The following KCNQ3 variants were observed in gnomAD, a reference collection of about 807,000 sequenced individuals.
KCNQ3 encodes potassium voltage-gated channel subfamily Q member 3.
Under a neutral mutation model 92.5 loss-of-function variants are expected in KCNQ3, and 30 were observed. That is an observed-to-expected ratio of 0.32 (90% CI 0.24 to 0.44). KCNQ3 has a LOEUF of 0.44. Among genes scored for constraint, KCNQ3 ranks in the 20% least tolerant of loss-of-function variants. The pLI, the probability that KCNQ3 is intolerant of heterozygous loss-of-function variation, is 1.00. For synonymous variants in KCNQ3, 450 were observed against 468.8 expected (o/e 0.96, Z 0.52); for missense variants, 913 against 1,140.3 (o/e 0.80, Z 2.87).
At chr8:132,366,473 G>T (rs1210632166) in intron 1 of KCNQ3, among the ~76,000 whole-genome samples, 1 of 151,954 alleles carries the variant, frequency 6.6e-6, no homozygotes, top group Non-Finnish European at 1.5e-5. Flanking sequence ...AGTACCTCTA[G>T]TTCAATTTTA....
At chr8:132,451,293 T>C (rs1270308240) in intron 1 of KCNQ3, among the ~76,000 whole-genome samples, 1 of 152,240 alleles carries the variant, frequency 6.6e-6, no homozygotes, top group Admixed American at 6.5e-5. Context: ...CGTGGAACTG[T>C]GAGTCCATTA....
chr8:132,236,595 G>T (rs1814824216), intron 1 of KCNQ3, among the ~76,000 whole-genome samples: 1 of 152,080 alleles, frequency 6.6e-6, no homozygotes, highest in Non-Finnish European at 1.5e-5. Context: ...TAAACCCATG[G>T]TGGCAGGCAG....
At position 132,276,599 on chromosome 8, in the gene KCNQ3, C is replaced by A. The variant is rs575209545; in HGVS notation, c.387-90418G>T. Among the ~76,000 whole-genome samples, 25 of 152,312 alleles carry A rather than the reference C, an allele frequency of 1.6e-4. 1 individual carries two copies. The highest frequency in any genetic ancestry group is 6.0e-4 in the African/African-American group (25 of 41,570). ...AAAACTACTTCCTCATGTTGACTCACAATGTGTCTCCTCTCACTTCCCTGA... is the reference window on the plus strand; with the variant it reads ...AAAACTACTTCCTCATGTTGACTCAAAATGTGTCTCCTCTCACTTCCCTGA... On this transcript the variant is annotated intron_variant, in intron 1 of 14. Transcript: ENST00000388996.
At chr8:132,467,027 T>A (rs1329007649) in intron 1 of KCNQ3, among the ~76,000 whole-genome samples, 3 of 152,196 alleles carry the variant, frequency 2.0e-5, no homozygotes, top group Non-Finnish European at 4.4e-5. Flanking sequence ...CCCCACACTC[T>A]GTTGGCCACA....
At chr8:132,192,111 G>T (rs1224657160) in intron 1 of KCNQ3, among the ~76,000 whole-genome samples, 1 of 152,124 alleles carries the variant, frequency 6.6e-6, no homozygotes, top group Non-Finnish European at 1.5e-5. Flanking sequence ...GCCAGGAGAA[G>T]GGATAATTTC....
intron 1 of KCNQ3, among the ~76,000 whole-genome samples, chr8:132,200,689 T>C (rs1276649767): frequency 6.6e-6 from 1 of 152,172 alleles, no homozygotes; most frequent in Non-Finnish European, 1.5e-5. Context: ...AAAATTAGCT[T>C]AGGGCCTGCA....
chr8:132,430,199 T>G (rs957764623), intron 1 of KCNQ3, among the ~76,000 whole-genome samples: 1 of 152,218 alleles, frequency 6.6e-6, no homozygotes, highest in South Asian at 2.1e-4. Flanking sequence ...CACCCAGATC[T>G]TCCTGTATAA....
chr8:132,254,779 T>A (rs1003165912), intron 1 of KCNQ3, among the ~76,000 whole-genome samples: 1 of 152,154 alleles, frequency 6.6e-6, no homozygotes, highest in Non-Finnish European at 1.5e-5. Context: ...TTCAGGAGGC[T>A]GAGGCAGGAG....
chr8:132,200,609 G>C (rs1402473990), intron 1 of KCNQ3, among the ~76,000 whole-genome samples: 1 of 152,126 alleles, frequency 6.6e-6, no homozygotes, highest in Non-Finnish European at 1.5e-5. Context: ...AAAATGATTA[G>C]AGGAATAAAA....
chr8:132,168,199 C>T (rs973967345), intron 8 of KCNQ3, among the ~76,000 whole-genome samples: 1 of 152,146 alleles, frequency 6.6e-6, no homozygotes, highest in Non-Finnish European at 1.5e-5. Context: ...TTGGTCTAGG[C>T]CCTCATTTCC....
intron 1 of KCNQ3, among the ~76,000 whole-genome samples, chr8:132,386,806 C>T (rs1819902527): frequency 6.6e-6 from 1 of 151,966 alleles, no homozygotes. Flanking sequence ...CTTTTATTTT[C>T]CTGGAATGGT....
intron 1 of KCNQ3, among the ~76,000 whole-genome samples, chr8:132,237,895 A>T (rs2130394205): frequency 6.6e-6 from 1 of 152,192 alleles, no homozygotes; most frequent in East Asian, 1.9e-4. Flanking sequence ...CCAGGTTTAA[A>T]TGTAAAGAGC....
intron 1 of KCNQ3, among the ~76,000 whole-genome samples, chr8:132,315,948 T>TA (rs1195719264): frequency 2.0e-5 from 3 of 152,190 alleles, no homozygotes; most frequent in Non-Finnish European, 4.4e-5. Flanking sequence ...GAAACTGTCT[T>TA]AAAATAGCCT....
At position 132,299,161 on chromosome 8, in the gene KCNQ3, C is replaced by CATATAT. The variant is rs35617146; in HGVS notation, c.387-112986_387-112981dup. ...TTTTAATTTTTGTGAGCACATAGTACATATATATATATATATATATATGGT... is the reference window on the plus strand; with the variant it reads ...TTTTAATTTTTGTGAGCACATAGTACATATATATATATATATATATATATATATGGT... On this transcript the variant is annotated intron_variant, in intron 1 of 14. Coordinates refer to ENST00000388996, the MANE Select transcript of KCNQ3 (RefSeq NM_004519.4). 2.4e-3 allele frequency among the ~76,000 whole-genome samples: 337 copies of CATATAT among 140,222 alleles called. 1 individual carries two copies. Among genetic ancestry groups the CATATAT allele is most frequent in the African/African-American group, 5.7e-3 (221 of 38,828 alleles). The allele number at this position is 140,222 out of a possible 152,430, so 92.0% of individuals were successfully genotyped here.
intron 1 of KCNQ3, among the ~76,000 whole-genome samples, chr8:132,378,077 T>C (rs1415232543): frequency 6.6e-6 from 1 of 152,056 alleles, no homozygotes; most frequent in Non-Finnish European, 1.5e-5. Context: ...ATTATGAAAG[T>C]CATACAAACA....
chr8:132,251,390 A>G (rs771986682), intron 1 of KCNQ3, among the ~76,000 whole-genome samples: 1 of 152,268 alleles, frequency 6.6e-6, no homozygotes, highest in South Asian at 2.1e-4. Flanking sequence ...ATTCACTGTG[A>G]GGATGACCCC....
At chr8:132,279,289 A>G (rs938517939) in intron 1 of KCNQ3, among the ~76,000 whole-genome samples, 3 of 152,206 alleles carry the variant, frequency 2.0e-5, no homozygotes, top group African/African-American at 7.2e-5. Context: ...CTAGGGTGTG[A>G]ACTAGGCTTC....
intron 1 of KCNQ3, among the ~76,000 whole-genome samples, chr8:132,290,911 AG>A (rs1337785359): frequency 1.3e-5 from 2 of 152,200 alleles, no homozygotes; most frequent in Non-Finnish European, 2.9e-5. Context: ...TGGAAGGGAC[AG>A]GCACCCTCAG....
intron 1 of KCNQ3, among the ~76,000 whole-genome samples, chr8:132,235,567 A>G (rs4736559): frequency 0.55 from 83,225 of 152,118 alleles, 24,517 homozygotes; most frequent in African/African-American, 0.78. Context: ...GACTTACGTG[A>G]CCACACATGA....
Sources: gnomAD v4.1 joint callset for allele counts (sites outside exome capture counted in the v4.1 genomes callset) on GRCh38, gnomAD v4.1.1 for gene constraint, MANE v1.5 for transcripts, NCBI Gene and HGNC (gene_info 2026-07-23, HGNC 2026-07-21) for gene names.